LONRF2: variants seen among roughly 807,000 people sequenced by gnomAD.
LONRF2 encodes the protein LON peptidase N-terminal domain and RING finger protein 2.
A neutral mutation model predicts 66.6 loss-of-function variants in LONRF2; 35 were observed. The observed-to-expected ratio is 0.53, with a 90% CI of 0.40 to 0.70. The LOEUF (loss-of-function observed/expected upper bound fraction) is 0.70, where lower values mean the gene tolerates loss of function less well. Ranked by LOEUF, LONRF2 falls within the 30% of genes least tolerant of loss-of-function variation. LONRF2 has a pLI of 0.00. For synonymous variants in LONRF2, 417 were observed against 418.1 expected (o/e 1.00, Z 0.03); for missense variants, 902 against 1,002.1 (o/e 0.90, Z 1.35).
At position 100,284,243 on chromosome 2, in the gene LONRF2, T is replaced by C. The variant is rs995339008; in HGVS notation, c.*55A>G. On this transcript the variant is annotated 3_prime_UTR_variant, in exon 12 of 12. Transcript: ENST00000393437. ...CAATGAATGGACGGCTATTCGTCCA[T>C]GCCTGACATTTATAAAAGCACAAGG... is the stretch of plus-strand genomic sequence containing the variant. 25 of 1,429,152 alleles carry C rather than the reference T, an allele frequency of 1.7e-5. No individual in the cohort carries two copies. The highest frequency in any genetic ancestry group is 1.5e-5 in the South Asian group (1 of 67,666). The allele number at this position is 1,429,152 out of a possible 1,614,324, so 88.5% of individuals were successfully genotyped here. A position where few individuals can be genotyped will look rare whatever the true frequency, so the allele number is the denominator to read the frequency against.
chr2:100,306,148 A>C (rs886702902), intron 2 of LONRF2, among the ~76,000 whole-genome samples: 3 of 152,102 alleles, frequency 2.0e-5, no homozygotes, highest in Non-Finnish European at 4.4e-5. Context: ...TCCTGACCTC[A>C]AGTGATCCTT....
chr2:100,311,260 C>A (rs73964443), intron 1 of LONRF2, among the ~76,000 whole-genome samples: 11,426 of 151,980 alleles, frequency 0.075, 1,454 homozygotes, highest in African/African-American at 0.26. Flanking sequence ...TACAATTCTC[C>A]TTTGGAGATT....
At chr2:100,304,205 C>T (rs11683088) in intron 2 of LONRF2, among the ~76,000 whole-genome samples, 92,074 of 151,648 alleles carry the variant, frequency 0.61, 29,309 homozygotes, top group African/African-American at 0.8. Context: ...CAGGCTAGAA[C>T]GCAATGGCAT....
chr2:100,293,284 G>A (rs1674999266), intron 9 of LONRF2, among the ~76,000 whole-genome samples: 1 of 152,108 alleles, frequency 6.6e-6, no homozygotes, highest in Non-Finnish European at 1.5e-5. Context: ...TAAAATTTCA[G>A]AATTTTCTCC....
chr2:100,320,377 C>A (rs919784788), intron 1 of LONRF2, among the ~76,000 whole-genome samples: 1 of 152,142 alleles, frequency 6.6e-6, no homozygotes, highest in African/African-American at 2.4e-5. Context: ...GTTAAGTGCT[C>A]TATTCCAGCA....
intron 1 of LONRF2, among the ~76,000 whole-genome samples, chr2:100,309,938 G>T (rs991933489): frequency 6.6e-6 from 1 of 152,158 alleles, no homozygotes; most frequent in Non-Finnish European, 1.5e-5. Flanking sequence ...CTCCCAAAGT[G>T]CTGGGATTAC....
rs1407568283 is a variant in LONRF2 at position 100,281,679 on chromosome 2, G to A, written c.*2619C>T. On this transcript the variant is annotated 3_prime_UTR_variant, in exon 12 of 12. Transcript: ENST00000393437. ...CGCTGCTATTACTCTTTTCTGCTTT[G>A]ATTCCAATGTAACGAGAGCATGCCT... The A allele has an allele frequency of 6.6e-6, 1 of 152,116 alleles. No homozygotes were observed. The highest frequency in any genetic ancestry group is 1.9e-4 in the East Asian group (1 of 5,198). 9.4% of individuals were successfully genotyped at this position (152,116 alleles called of 1,614,324 possible). A position where few individuals can be genotyped will look rare whatever the true frequency, so the allele number is the denominator to read the frequency against.
intron 2 of LONRF2, among the ~76,000 whole-genome samples, chr2:100,307,185 G>T (rs1465464498): frequency 6.6e-6 from 1 of 152,142 alleles, no homozygotes; most frequent in Non-Finnish European, 1.5e-5. Context: ...CTCCGAAAGT[G>T]CTGGGATTAC....
chr2:100,314,224 T>TA (rs1287336273), intron 1 of LONRF2, among the ~76,000 whole-genome samples: 1 of 152,234 alleles, frequency 6.6e-6, no homozygotes, highest in Admixed American at 6.5e-5. Context: ...CTTCCATCAG[T>TA]AATTTAAGAG....
At chr2:100,292,262 C>T (rs78723349) in intron 9 of LONRF2, among the ~76,000 whole-genome samples, 2,998 of 152,320 alleles carry the variant, frequency 0.02, 87 homozygotes, top group African/African-American at 0.067. Flanking sequence ...TCCAAGCCTG[C>T]CTTGCTGCAG....
At chr2:100,299,997 C>G in intron 4 of LONRF2, 79 bp from the exon 5 acceptor site, 1 of 656,976 alleles carries the variant, frequency 1.5e-6, no homozygotes. Context: ...GAAGCCTGTA[C>G]TAGAAATCTT....
chr2:100,299,041 C>T, intron 6 of LONRF2, 91 bp from the exon 7 acceptor site: 1 of 1,033,356 alleles, frequency 9.7e-7, no homozygotes, highest in Non-Finnish European at 1.5e-6. Flanking sequence ...ATGCAATCCC[C>T]TTTCTGTTCT....
Position 100,275,747 on chromosome 2 carries a change from AC to A in LONRF2, c.*8550del, listed in dbSNP as rs991542155. The A allele has an allele frequency of 6.6e-6, 1 of 151,820 alleles. No individual in the cohort carries two copies. Among genetic ancestry groups the A allele is most frequent in the Non-Finnish European group, 1.5e-5 (1 of 67,968 alleles). 9.4% of individuals were successfully genotyped at this position (151,820 alleles called of 1,614,324 possible). The stretch of plus-strand genomic sequence containing the variant: ...CTACGTGAGCCTGTAACCACCCCCC[AC>A]CAGTGTGCCTGGGCACTCTGAACAC... On this transcript the variant is annotated 3_prime_UTR_variant, in exon 12 of 12. Transcript: ENST00000393437.
At chr2:100,315,363 T>C (rs1675485353) in intron 1 of LONRF2, among the ~76,000 whole-genome samples, 1 of 152,260 alleles carries the variant, frequency 6.6e-6, no homozygotes. Context: ...TTCTGGAGTT[T>C]CTATGTATGC....
In LONRF2 at chr2:100,272,035, T is replaced by C. The variant is rs2871341; in HGVS notation, c.*12263A>G. 6.6e-6 allele frequency among the ~76,000 whole-genome samples: 1 copy of C among 152,122 alleles called. No individual in the cohort carries two copies. The highest frequency in any genetic ancestry group is 2.4e-5 in the African/African-American group (1 of 41,400). ...ATATAAAAGACTTCATCAGAGGTTT[T>C]CCCAGATTTGACAACCATCCTATTT... On this transcript the variant is annotated 3_prime_UTR_variant, in exon 12 of 12. Coordinates refer to ENST00000393437, the MANE Select transcript of LONRF2 (RefSeq NM_198461.4).
In LONRF2 at chr2:100,284,092, C is replaced by G; in HGVS notation, c.*206G>C. On this transcript the variant is annotated 3_prime_UTR_variant, in exon 12 of 12. Coordinates refer to ENST00000393437, the MANE Select transcript of LONRF2 (RefSeq NM_198461.4). The stretch of plus-strand genomic sequence containing the variant: ...TTGTTTTCCAACTATGGGCTCCATT[C>G]AGACTTCAGGCTAACCTCACACAAG... The G allele has an allele frequency of 2.0e-6, 1 of 496,802 alleles. No homozygotes were observed. The highest frequency in any genetic ancestry group is 3.5e-6 in the Non-Finnish European group (1 of 281,844). 30.8% of individuals were successfully genotyped at this position (496,802 alleles called of 1,614,324 possible). A position where few individuals can be genotyped will look rare whatever the true frequency, so the allele number is the denominator to read the frequency against.
chr2:100,288,089 C>T lies in LONRF2; in HGVS notation c.1921-1026G>A, dbSNP rs758361339. Among the ~76,000 whole-genome samples, 23 of 152,108 alleles carry T rather than the reference C, an allele frequency of 1.5e-4. 1 individual carries two copies. The highest frequency in any genetic ancestry group is 3.1e-4 in the Non-Finnish European group (21 of 68,024). ...TATTTAAGCCCCCATTTAAAATAAG[C>T]GCATACACTATTAAAAGCTGTCATC... On this transcript the variant is annotated intron_variant, in intron 10 of 11. Transcript: ENST00000393437.
intron 7 of LONRF2, among the ~76,000 whole-genome samples, chr2:100,297,128 CTT>C (rs72183271): frequency 1.7e-4 from 25 of 146,586 alleles, no homozygotes; most frequent in African/African-American, 5.5e-4. Context: ...AGCTTCTATT[CTT>C]TTTTTTTTTT....
Position 100,322,243 on chromosome 2 carries a change from C to CA in LONRF2, c.-151_-150insT. 1.3e-6 allele frequency: 1 copy of CA among 783,726 alleles called. No homozygotes were observed. Among genetic ancestry groups the CA allele is most frequent in the Admixed American group, 4.7e-5 (1 of 21,436 alleles). 48.5% of individuals were successfully genotyped at this position (783,726 alleles called of 1,614,324 possible). ...GGCGGCGCGCTGCGAGCGGCTGAGACCGCGGGCGGGGGCGGGCGCCTGGCT... is the reference window on the plus strand; with the variant it reads ...GGCGGCGCGCTGCGAGCGGCTGAGACACGCGGGCGGGGGCGGGCGCCTGGCT... On this transcript the variant is annotated 5_prime_UTR_variant, in exon 1 of 12. Coordinates refer to ENST00000393437, the MANE Select transcript of LONRF2 (RefSeq NM_198461.4).
Sources: gnomAD v4.1 joint callset for allele counts (sites outside exome capture counted in the v4.1 genomes callset) on GRCh38, gnomAD v4.1.1 for gene constraint, MANE v1.5 for transcripts, NCBI Gene and HGNC (gene_info 2026-07-23, HGNC 2026-07-21) for gene names.